The following VPS41 variants were observed in gnomAD, a reference collection of about 807,000 sequenced individuals.
VPS41 encodes VPS41 subunit of HOPS complex.
Under a neutral mutation model 130.9 loss-of-function variants are expected in VPS41, and 85 were observed. The observed-to-expected ratio is 0.65, with a 90% CI of 0.55 to 0.78. The LOEUF (loss-of-function observed/expected upper bound fraction) is 0.78. Ranked by LOEUF, VPS41 falls within the 30% of genes least tolerant of loss-of-function variation. The pLI is 0.00. For synonymous variants in VPS41, 335 were observed against 332.9 expected (o/e 1.01, Z -0.07); for missense variants, 874 against 1,018.7 (o/e 0.86, Z 1.93).
chr7:38,729,734 C>T (rs1214601849), intron 25 of VPS41, among the ~76,000 whole-genome samples: 5 of 152,044 alleles, frequency 3.3e-5, no homozygotes, highest in East Asian at 1.9e-4. Context: ...ACTGGAGGCA[C>T]GATGGGGTCC....
chr7:38,780,321 C>T (rs1311069297), intron 10 of VPS41, among the ~76,000 whole-genome samples: 2 of 151,628 alleles, frequency 1.3e-5, no homozygotes, highest in Non-Finnish European at 2.9e-5. Context: ...AGGGAGTGCG[C>T]TATGTTCACC....
chr7:38,859,658 C>T (rs1786060055), intron 4 of VPS41, among the ~76,000 whole-genome samples: 1 of 152,152 alleles, frequency 6.6e-6, no homozygotes, highest in African/African-American at 2.4e-5. Context: ...GGCTGTACCA[C>T]CTAGGTCTGT....
intron 18 of VPS41, 92 bp from the exon 19 acceptor site, chr7:38,757,074 A>G (rs1783810006): frequency 1.9e-6 from 2 of 1,035,108 alleles, no homozygotes; most frequent in Non-Finnish European, 1.4e-6. Flanking sequence ...TAAAAATGGA[A>G]ACACTCCTTT....
chr7:38,849,415 G>C (rs900577331), intron 4 of VPS41, among the ~76,000 whole-genome samples: 1 of 152,176 alleles, frequency 6.6e-6, no homozygotes, highest in Non-Finnish European at 1.5e-5. Context: ...TGTATCCTAG[G>C]GTTTCTTGCC....
chr7:38,830,455 T>C, intron 4 of VPS41, 127 bp from the exon 5 acceptor site: 2 of 728,794 alleles, frequency 2.7e-6, no homozygotes, highest in East Asian at 2.5e-5. Flanking sequence ...TTTCCAACTA[T>C]CTTACACAAA....
chr7:38,901,757 G>A (rs1787150691), intron 1 of VPS41, among the ~76,000 whole-genome samples: 2 of 152,102 alleles, frequency 1.3e-5, no homozygotes, highest in South Asian at 2.1e-4. Context: ...TGGTTAAGGT[G>A]GGGGTGGCTC....
chr7:38,854,367 G>A (rs1488068906), intron 4 of VPS41, among the ~76,000 whole-genome samples: 1 of 152,206 alleles, frequency 6.6e-6, no homozygotes, highest in Non-Finnish European at 1.5e-5. Context: ...TAGACCAAGA[G>A]TAGAGCAGGG....
chr7:38,904,249 G>A (rs79132603), intron 1 of VPS41, among the ~76,000 whole-genome samples: 2,562 of 152,270 alleles, frequency 0.017, 35 homozygotes, highest in Non-Finnish European at 0.028. Flanking sequence ...TAATGTGGGC[G>A]CGGCGGAGGC....
At chr7:38,896,934 C>T (rs776325676) in intron 2 of VPS41, among the ~76,000 whole-genome samples, 2 of 152,160 alleles carry the variant, frequency 1.3e-5, no homozygotes, top group Non-Finnish European at 2.9e-5. Context: ...TGACTCATGC[C>T]TATAATCCCA....
intron 4 of VPS41, among the ~76,000 whole-genome samples, chr7:38,860,756 G>A (rs1021975871): frequency 8.8e-5 from 13 of 147,024 alleles, no homozygotes; most frequent in African/African-American, 2.7e-4. Flanking sequence ...CATACGCATC[G>A]CAAGCATTTT....
rs778542954 is a variant in VPS41 at position 38,901,648 on chromosome 7, C to T, written c.22-3519G>A. On this transcript the variant is annotated intron_variant, in intron 1 of 28. Transcript: ENST00000310301. ...ATCTCCCACCTCTAATACTGGGGAA[C>T]ATGAGATTTTAGGTGGACAAACATC... 9.9e-4 allele frequency among the ~76,000 whole-genome samples: 150 copies of T among 152,140 alleles called. 5 individuals carry two copies. The highest frequency in any genetic ancestry group is 3.2e-3 in the Middle Eastern group (1 of 316).
chr7:38,800,034 A>T (rs919953586), intron 7 of VPS41, among the ~76,000 whole-genome samples: 3 of 151,936 alleles, frequency 2.0e-5, no homozygotes, highest in African/African-American at 4.8e-5. Flanking sequence ...CAAAGCTTTT[A>T]AAAAAAATGA....
intron 19 of VPS41, 27 bp from the exon 20 acceptor site, chr7:38,754,963 C>T: frequency 6.2e-7 from 1 of 1,609,314 alleles, no homozygotes; most frequent in Non-Finnish European, 8.5e-7. Context: ...AAGCCACAGT[C>T]AATGAAATCC....
chr7:38,737,887 GCCTA>G (rs1484720515), intron 25 of VPS41, among the ~76,000 whole-genome samples: 1 of 152,184 alleles, frequency 6.6e-6, no homozygotes, highest in Non-Finnish European at 1.5e-5. Flanking sequence ...GCAGGTGTTG[GCCTA>G]AAGGCAATTC....
chr7:38,741,804 A>G (rs1043395902), intron 25 of VPS41, among the ~76,000 whole-genome samples, 181 bp downstream of exon 25: 1 of 152,238 alleles, frequency 6.6e-6, no homozygotes, highest in African/African-American at 2.4e-5. Flanking sequence ...GGACAACGCA[A>G]TTTTAAAGGT....
At chr7:38,843,198 CCT>C (rs781095865) in intron 4 of VPS41, among the ~76,000 whole-genome samples, 24 of 152,044 alleles carry the variant, frequency 1.6e-4, no homozygotes, top group Non-Finnish European at 2.4e-4. Flanking sequence ...CTGACATGCC[CCT>C]GTTCTTTTGG....
chr7:38,896,357 G>C (rs1230932500), intron 2 of VPS41, among the ~76,000 whole-genome samples: 1 of 152,188 alleles, frequency 6.6e-6, no homozygotes, highest in Non-Finnish European at 1.5e-5. Context: ...ACTCAGAAAT[G>C]CCTTACCAGA....
rs1489797710 is a variant in VPS41 at position 38,891,049 on chromosome 7, A to T, written c.60+7042T>A. 2.0e-5 allele frequency among the ~76,000 whole-genome samples: 3 copies of T among 152,192 alleles called. No individual in the cohort carries two copies. In the East Asian group the frequency reaches 5.8e-4, roughly 29 times the overall value. On this transcript the variant is annotated intron_variant, in intron 2 of 28. Transcript: ENST00000310301. ...GAAAAAAAAGTGTAGTAGAATAAAA[A>T]ACAATTTTGGCTTTATATTAACAGA...
chr7:38,768,271 A>T (rs1784087235), intron 14 of VPS41, among the ~76,000 whole-genome samples: 2 of 152,240 alleles, frequency 1.3e-5, no homozygotes, highest in Non-Finnish European at 2.9e-5. Context: ...CCCATGACTC[A>T]TCTTCTCATA....
Sources: gnomAD v4.1 joint callset for allele counts (sites outside exome capture counted in the v4.1 genomes callset) on GRCh38, gnomAD v4.1.1 for gene constraint, MANE v1.5 for transcripts, NCBI Gene and HGNC (gene_info 2026-07-23, HGNC 2026-07-21) for gene names.